HAUS7: variants seen among roughly 807,000 people sequenced by gnomAD.
HAUS7 encodes the protein HAUS augmin-like complex subunit 7.
HAUS7 carries 3 observed loss-of-function variants against 28.4 expected under a neutral mutation model. That is an observed-to-expected ratio of 0.11 (90% CI 0.05 to 0.27). The LOEUF is 0.27. HAUS7 is among the 10% of genes least tolerant of loss of function. The pLI is 1.00. For missense variants in HAUS7, 284 were observed against 297.3 expected (o/e 0.96, Z 0.33); for synonymous variants, 165 against 132.1 (o/e 1.25, Z -1.71).
intron 1 of HAUS7, among the ~76,000 whole-genome samples, chrX:153,493,268 C>T (rs1420087255): frequency 8.9e-6 from 1 of 112,371 alleles, no homozygotes; most frequent in Non-Finnish European, 1.9e-5. Context: ...GAACCAGAGG[C>T]TCTGCGGCCT....
intron 2 of HAUS7, 55 bp from the exon 3 acceptor site, chrX:153,465,110 G>A: frequency 1.2e-6 from 1 of 841,036 alleles, no homozygotes; most frequent in Non-Finnish European, 1.8e-6. Context: ...AATCCCCCTG[G>A]GCCCTCTATA....
chrX:153,457,073 G>T, intron 5 of HAUS7, 64 bp downstream of exon 5: 1 of 743,170 alleles, frequency 1.3e-6, no homozygotes, highest in Non-Finnish European at 2.1e-6. Flanking sequence ...GCCCCTACCA[G>T]CTCCAGAACT....
At chrX:153,494,075 C>T (rs1470532755) in intron 1 of HAUS7, among the ~76,000 whole-genome samples, 2 of 111,858 alleles carry the variant, frequency 1.8e-5, no homozygotes, top group Admixed American at 9.4e-5. Context: ...GGGGACACTA[C>T]GGGACAGGGG....
chrX:153,462,814 C>T (rs1299059309), intron 3 of HAUS7, 143 bp from the exon 4 acceptor site: 15 of 502,056 alleles, frequency 3.0e-5, no homozygotes, highest in African/African-American at 1.4e-4. Context: ...CAGGTGCCAG[C>T]GCTGCCTCTT....
rs1445989442 is a variant in HAUS7 at position 153,476,181 on chromosome X, A to G, written c.-588-5036T>C. ...CTCCACCACATTGCTGTCATTGCCAATGCTCAAATTGGGCCCAACCCTTTC... is the reference window on the plus strand; with the variant it reads ...CTCCACCACATTGCTGTCATTGCCAGTGCTCAAATTGGGCCCAACCCTTTC... On this transcript the variant is annotated intron_variant, in intron 1 of 5. Coordinates refer to the HAUS7 transcript ENST00000370210. Among the ~76,000 whole-genome samples, 15 of 112,256 alleles carry G rather than the reference A, an allele frequency of 1.3e-4. 1 individual carries two copies. Among genetic ancestry groups the G allele is most frequent in the African/African-American group, 4.9e-4 (15 of 30,898 alleles).
chrX:153,472,964 G>A (rs1461984333), upstream of HAUS7, among the ~76,000 whole-genome samples: 4 of 111,767 alleles, frequency 3.6e-5, no homozygotes, highest in African/African-American at 3.3e-5. Context: ...GGCCTCAGCC[G>A]TGTCAGTGCT....
chrX:153,488,674 C>T (rs1310897945), intron 1 of HAUS7, among the ~76,000 whole-genome samples: 1 of 112,765 alleles, frequency 8.9e-6, no homozygotes, highest in Non-Finnish European at 1.9e-5. Context: ...CTCTCACGAC[C>T]CCTCCTCCCT....
intron 4 of HAUS7, 50 bp from the exon 5 acceptor site, chrX:153,457,278 A>G: frequency 1.2e-6 from 1 of 867,311 alleles, no homozygotes; most frequent in Admixed American, 2.3e-5. Context: ...AAGCCAGGCC[A>G]AGGCCAGCTG....
chrX:153,466,892 C>A (rs1307029031), intron 2 of HAUS7, among the ~76,000 whole-genome samples: 1 of 112,348 alleles, frequency 8.9e-6, no homozygotes, highest in African/African-American at 3.2e-5. Context: ...TAGGGACACT[C>A]GACCAGTATA....
At chrX:153,486,056 A>C (rs185149630) in intron 1 of HAUS7, 1 of 964,343 alleles carries the variant, frequency 1.0e-6, no homozygotes, top group Admixed American at 3.2e-5. Context: ...CCTGGGCCTC[A>C]AGGGACTGCA....
At chrX:153,484,725 G>A (rs1203863974) in intron 1 of HAUS7, among the ~76,000 whole-genome samples, 7 of 113,211 alleles carry the variant, frequency 6.2e-5, no homozygotes, top group Non-Finnish European at 9.4e-5. Flanking sequence ...TTGCCAAGGG[G>A]GCAAAGGAAA....
In HAUS7 at chrX:153,456,670, G is replaced by A; in HGVS notation, c.447-19C>T. The A allele has an allele frequency of 8.7e-7, 1 of 1,152,010 alleles. No homozygotes were observed. Among genetic ancestry groups the A allele is most frequent in the Non-Finnish European group, 1.2e-6 (1 of 859,729 alleles). 94.9% of individuals were successfully genotyped at this position (1,152,010 alleles called of 1,213,427 possible). A position where few individuals can be genotyped will look rare whatever the true frequency, so the allele number is the denominator to read the frequency against. ...CATCAGGCTGCAAAGGCAGCCCCCA[G>A]GGCCACACCGTCACAGGCCAGAGCA... On this transcript the variant is annotated intron_variant, in intron 5 of 9. Transcript: ENST00000370211.
At chrX:153,448,394 TGG>T (rs2089192598) in intron 9 of HAUS7, among the ~76,000 whole-genome samples, 1 of 38,850 alleles carries the variant, frequency 2.6e-5, no homozygotes, top group African/African-American at 1.1e-4. Context: ...GGGCCTGTTG[TGG>T]GGTGGGGGGA....
chrX:153,462,812 A>G (rs2089410102), intron 3 of HAUS7, 141 bp from the exon 4 acceptor site: 3 of 504,023 alleles, frequency 6.0e-6, no homozygotes, highest in Non-Finnish European at 1.1e-5. Context: ...CCCAGGTGCC[A>G]GCGCTGCCTC....
chrX:153,475,234 C>T (rs1481029684), upstream of HAUS7, among the ~76,000 whole-genome samples: 1 of 112,252 alleles, frequency 8.9e-6, no homozygotes, highest in Non-Finnish European at 1.9e-5. Context: ...CCTATTCTGC[C>T]CCCATCCCGA....
chrX:153,450,297 C>T (rs1210375452), intron 9 of HAUS7, among the ~76,000 whole-genome samples: 1 of 112,599 alleles, frequency 8.9e-6, no homozygotes, highest in Non-Finnish European at 1.9e-5. Context: ...CTGTGTGAGC[C>T]GGGCCACCAG....
chrX:153,454,342 A>G (rs1040950413), intron 9 of HAUS7, 52 bp downstream of exon 9: 15 of 696,462 alleles, frequency 2.2e-5, no homozygotes, highest in Non-Finnish European at 3.5e-5. Flanking sequence ...CAGAAAAGGA[A>G]GCCTGTGCGT....
chrX:153,479,266 A>G (rs1433913532), intron 1 of HAUS7: 3 of 657,005 alleles, frequency 4.6e-6, no homozygotes, highest in African/African-American at 2.4e-5. Flanking sequence ...GGCAGCCAAG[A>G]GGAGTGTGCT....
chrX:153,472,428 A>ACCACCCACCACCCG (rs1455200617), upstream of HAUS7, among the ~76,000 whole-genome samples: 12 of 17,175 alleles, frequency 7.0e-4, no homozygotes, highest in Non-Finnish European at 1.3e-3. Context: ...CCCACCACCC[A>ACCACCCACCACCCG]CCACCCACCA....
Sources: allele counts gnomAD v4.1 joint callset (sites outside exome capture counted in the v4.1 genomes callset), GRCh38; gene constraint gnomAD v4.1.1; transcripts MANE v1.5; gene names NCBI Gene and HGNC (gene_info 2026-07-23, HGNC 2026-07-21).